Variants in NMNAT3 observed in about 807,000 individuals in gnomAD.
NMNAT3 encodes nicotinamide/nicotinic acid mononucleotide adenylyltransferase 3.
NMNAT3 carries 21 observed loss-of-function variants against 24.8 expected under a neutral mutation model. The observed-to-expected ratio is 0.85, with a 90% CI of 0.60 to 1.22. NMNAT3 has a LOEUF of 1.22. Among genes scored for constraint, NMNAT3 ranks in the 50% most tolerant of loss-of-function variants. The pLI, the probability that NMNAT3 is intolerant of heterozygous loss-of-function variation, is 0.00. For synonymous variants in NMNAT3, 136 were observed against 155.2 expected (o/e 0.88, Z 0.92); for missense variants, 387 against 436.6 (o/e 0.89, Z 1.01).
chr3:139,674,426 A>T (rs1249220887), intron 1 of NMNAT3, among the ~76,000 whole-genome samples: 1 of 152,150 alleles, frequency 6.6e-6, no homozygotes. Context: ...GCAAAATGGG[A>T]TCTGTCCATC....
At chr3:139,630,722 T>C (rs1472953916) in intron 2 of NMNAT3, among the ~76,000 whole-genome samples, 1 of 152,166 alleles carries the variant, frequency 6.6e-6, no homozygotes. Flanking sequence ...CATACTTCCT[T>C]TGAGGCAGCA....
chr3:139,591,175 G>A (rs1421041014), intron 3 of NMNAT3, among the ~76,000 whole-genome samples: 2 of 151,308 alleles, frequency 1.3e-5, no homozygotes, highest in Admixed American at 1.3e-4. Context: ...AGGGGTCAGG[G>A]AGTTCCCTTT....
At chr3:139,581,966 G>T (rs189863999) in intron 4 of NMNAT3, among the ~76,000 whole-genome samples, 16 of 150,668 alleles carry the variant, frequency 1.1e-4, no homozygotes, top group Middle Eastern at 3.4e-3. Flanking sequence ...AGGCCGGGGT[G>T]GGGGGATCAC....
chr3:139,587,990 G>T (rs1304272251), intron 3 of NMNAT3, among the ~76,000 whole-genome samples: 1 of 152,134 alleles, frequency 6.6e-6, no homozygotes. Context: ...GATAGGACAG[G>T]CCCTGCATTG....
intron 5 of NMNAT3, among the ~76,000 whole-genome samples, chr3:139,575,312 G>A (rs1939134989): frequency 6.6e-6 from 1 of 152,132 alleles, no homozygotes; most frequent in Non-Finnish European, 1.5e-5. Flanking sequence ...TTACTGCTTT[G>A]ATTTTGGTAA....
intron 5 of NMNAT3, chr3:139,576,304 A>C (rs575208393): frequency 2.1e-6 from 2 of 943,734 alleles, no homozygotes; most frequent in East Asian, 1.2e-4. Flanking sequence ...CAGTTGGTAC[A>C]TTTTGGAGAT....
At chr3:139,627,470 C>T (rs1363367555) in intron 3 of NMNAT3, 146 bp downstream of exon 4, 1 of 565,934 alleles carries the variant, frequency 1.8e-6, no homozygotes, top group South Asian at 2.4e-5. Context: ...AAGCATCAAC[C>T]CTTTGAATAT....
chr3:139,563,464 AG>A (rs1936723774), intron 6 of NMNAT3, among the ~76,000 whole-genome samples: 1 of 152,158 alleles, frequency 6.6e-6, no homozygotes, highest in African/African-American at 2.4e-5. Flanking sequence ...TTTTTCCAAT[AG>A]ATTTTTTTGT....
At chr3:139,616,111 C>T (rs2055488694) in intron 3 of NMNAT3, among the ~76,000 whole-genome samples, 1 of 152,148 alleles carries the variant, frequency 6.6e-6, no homozygotes, top group Admixed American at 6.5e-5. Flanking sequence ...GTTGTCAATA[C>T]CACTGCTTCA....
At chr3:139,581,438 T>C (rs2053609260) in intron 4 of NMNAT3, among the ~76,000 whole-genome samples, 2 of 152,014 alleles carry the variant, frequency 1.3e-5, no homozygotes, top group Non-Finnish European at 1.5e-5. Context: ...AAACAAGTAG[T>C]GTAAATGTCC....
chr3:139,598,123 A>G (rs1201509025), intron 3 of NMNAT3, among the ~76,000 whole-genome samples: 1 of 152,244 alleles, frequency 6.6e-6, no homozygotes, highest in East Asian at 1.9e-4. Context: ...TGTGCTTGGC[A>G]ATCATCACTC....
At chr3:139,647,652 G>A (rs2056913046) in intron 1 of NMNAT3, among the ~76,000 whole-genome samples, 1 of 152,156 alleles carries the variant, frequency 6.6e-6, no homozygotes, top group African/African-American at 2.4e-5. Context: ...TGGCCTTGAA[G>A]TTTGGAGGGG....
intron 1 of NMNAT3, among the ~76,000 whole-genome samples, chr3:139,640,539 C>T (rs2056663753): frequency 6.6e-6 from 1 of 152,174 alleles, no homozygotes; most frequent in East Asian, 1.9e-4. Context: ...GCCATTACTA[C>T]CAACTTCCTC....
In NMNAT3 at chr3:139,568,019, G is replaced by T. The variant is rs1281957307; in HGVS notation, c.658+5579C>A. ...TATTGATTATTGCCTCAATTTCAGA[G>T]CCTATTATTGGTCTATTCAGAGATT... On this transcript the variant is annotated intron_variant, in intron 6 of 6. Transcript: ENST00000643695. 318 of 152,146 alleles carry T rather than the reference G, an allele frequency of 2.1e-3. 2 individuals are homozygous for T. Among genetic ancestry groups the T allele is most frequent in the African/African-American group, 7.5e-3 (310 of 41,450 alleles). 9.4% of individuals were successfully genotyped at this position (152,146 alleles called of 1,614,324 possible). A position where few individuals can be genotyped will look rare whatever the true frequency, so the allele number is the denominator to read the frequency against.
At chr3:139,572,130 C>T (rs1232399096) in intron 6 of NMNAT3, 2 of 398,780 alleles carry the variant, frequency 5.0e-6, no homozygotes, top group Admixed American at 4.4e-5. Context: ...CTGTCTCCAG[C>T]TTGAGGTGGG....
At chr3:139,654,558 T>C (rs2108400956) in intron 1 of NMNAT3, among the ~76,000 whole-genome samples, 1 of 152,322 alleles carries the variant, frequency 6.6e-6, no homozygotes, top group South Asian at 2.1e-4. Context: ...CTGATTATGG[T>C]ACAGAGGCAA....
intron 3 of NMNAT3, among the ~76,000 whole-genome samples, chr3:139,607,798 T>C (rs2055011740): frequency 6.6e-6 from 1 of 152,244 alleles, no homozygotes; most frequent in African/African-American, 2.4e-5. Context: ...TGTTCCCATC[T>C]ACCCGTTGTA....
intron 1 of NMNAT3, among the ~76,000 whole-genome samples, chr3:139,651,220 A>G (rs1014119980): frequency 1.3e-5 from 2 of 152,196 alleles, no homozygotes; most frequent in Admixed American, 6.5e-5. Flanking sequence ...AAAGTATAAT[A>G]TATAAATACC....
chr3:139,590,664 T>C (rs568147246), intron 3 of NMNAT3, among the ~76,000 whole-genome samples: 22 of 152,178 alleles, frequency 1.4e-4, no homozygotes, highest in Admixed American at 7.8e-4. Flanking sequence ...ATAAATATGA[T>C]ATATAAAATA....
Sources: allele counts gnomAD v4.1 joint callset (sites outside exome capture counted in the v4.1 genomes callset), GRCh38; gene constraint gnomAD v4.1.1; transcripts MANE v1.5; gene names NCBI Gene and HGNC (gene_info 2026-07-23, HGNC 2026-07-21).